Variants in LRBA observed in about 807,000 individuals in gnomAD.
LRBA encodes lipopolysaccharide-responsive and beige-like anchor protein.
In LRBA, 176 loss-of-function variants were observed where a neutral mutation model predicts 330.0. The ratio of observed to expected loss-of-function variants is 0.53; its 90% CI spans 0.47 to 0.60. LRBA has a LOEUF of 0.60. Among genes scored for constraint, LRBA ranks in the 20% least tolerant of loss-of-function variants. LRBA has a pLI of 0.00. For synonymous variants in LRBA, 1,230 were observed against 1,193.0 expected, an observed-to-expected ratio of 1.03 and a Z score of -0.64; for missense variants, 3,259 against 3,444.8, an observed-to-expected ratio of 0.95 and a Z score of 1.35.
chr4:150,671,793 G>C (rs1412797238), intron 37 of LRBA, among the ~76,000 whole-genome samples: 2 of 152,158 alleles, frequency 1.3e-5, no homozygotes, highest in Non-Finnish European at 2.9e-5. Context: ...GAGAGACAGA[G>C]ACAAGGGCAG....
At chr4:150,552,487 T>C (rs1766731693) in intron 40 of LRBA, among the ~76,000 whole-genome samples, 1 of 151,980 alleles carries the variant, frequency 6.6e-6, no homozygotes, top group Non-Finnish European at 1.5e-5. Context: ...CATTAAAAAG[T>C]CAGGAAACAA....
chr4:150,666,131 T>C (rs1781534653), intron 37 of LRBA, among the ~76,000 whole-genome samples: 1 of 152,144 alleles, frequency 6.6e-6, no homozygotes, highest in Admixed American at 6.5e-5. Context: ...GTTTCATGGA[T>C]AGACATAAGC....
chr4:150,904,958 G>A (rs1731164917), intron 13 of LRBA, among the ~76,000 whole-genome samples: 1 of 152,076 alleles, frequency 6.6e-6, no homozygotes, highest in Non-Finnish European at 1.5e-5. Flanking sequence ...AAGGCAGAAG[G>A]GGAGAGAGGA....
At chr4:150,374,019 C>A (rs1165786048) in intron 47 of LRBA, among the ~76,000 whole-genome samples, 1 of 152,168 alleles carries the variant, frequency 6.6e-6, no homozygotes, top group Non-Finnish European at 1.5e-5. Context: ...CCCAGAATCA[C>A]CTCTTCTTTC....
intron 35 of LRBA, among the ~76,000 whole-genome samples, chr4:150,742,985 GGAGATA>G (rs1382350873): frequency 6.6e-6 from 1 of 151,970 alleles, no homozygotes; most frequent in Non-Finnish European, 1.5e-5. Context: ...TTATTTTTTT[GGAGATA>G]GAGTCTCACT....
chr4:150,685,311 A>T (rs183227924), intron 36 of LRBA, among the ~76,000 whole-genome samples: 2,050 of 139,822 alleles, frequency 0.015, 54 homozygotes, highest in African/African-American at 0.051. Context: ...CATCCAAAAA[A>T]ATTGGTTTTT....
At chr4:150,634,633 T>C (rs558240131) in intron 37 of LRBA, among the ~76,000 whole-genome samples, 1 of 152,306 alleles carries the variant, frequency 6.6e-6, no homozygotes, top group South Asian at 2.1e-4. Flanking sequence ...TACCTGTTCA[T>C]ATATTTCTTC....
chr4:150,711,493 C>T (rs1382326630), intron 36 of LRBA, among the ~76,000 whole-genome samples: 1 of 151,918 alleles, frequency 6.6e-6, no homozygotes, highest in African/African-American at 2.4e-5. Context: ...CCACCTCAGC[C>T]TCCCAAAATG....
At chr4:150,807,202 T>A (rs983392902) in intron 32 of LRBA, among the ~76,000 whole-genome samples, 8 of 152,038 alleles carry the variant, frequency 5.3e-5, no homozygotes, top group Non-Finnish European at 1.2e-4. Context: ...GAGCCACTAG[T>A]TATCTACTAT....
chr4:150,616,884 C>G (rs546580712), intron 37 of LRBA, among the ~76,000 whole-genome samples: 5 of 151,890 alleles, frequency 3.3e-5, no homozygotes, highest in Non-Finnish European at 7.4e-5. Flanking sequence ...TCTAGTAGAC[C>G]CTGACACATC....
At chr4:150,431,926 A>G (rs1332850454) in intron 46 of LRBA, among the ~76,000 whole-genome samples, 1 of 152,044 alleles carries the variant, frequency 6.6e-6, no homozygotes. Flanking sequence ...GCTTTAGTGT[A>G]AAAAAAGGTC....
chr4:150,416,741 A>G (rs964710598), intron 46 of LRBA, among the ~76,000 whole-genome samples: 3 of 152,156 alleles, frequency 2.0e-5, no homozygotes, highest in African/African-American at 7.2e-5. Context: ...ATATAATTCT[A>G]ATTGACAAAA....
chr4:150,439,278 T>C (rs941661614), intron 44 of LRBA, among the ~76,000 whole-genome samples: 1 of 152,134 alleles, frequency 6.6e-6, no homozygotes, highest in Admixed American at 6.6e-5. Flanking sequence ...TCAATAGTTA[T>C]AGAATCACGT....
intron 2 of LRBA, among the ~76,000 whole-genome samples, chr4:150,965,618 T>C (rs1192678466): frequency 3.3e-5 from 5 of 152,092 alleles, no homozygotes; most frequent in Admixed American, 3.3e-4. Flanking sequence ...CAGCTCACTG[T>C]AGCCACAACC....
At chr4:150,438,799 T>G (rs1751463299) in intron 44 of LRBA, among the ~76,000 whole-genome samples, 1 of 152,212 alleles carries the variant, frequency 6.6e-6, no homozygotes, top group South Asian at 2.1e-4. Flanking sequence ...TTGTTAATTA[T>G]TTTTTCAAAA....
Position 150,963,102 on chromosome 4 carries a change from A to G in LRBA, c.217-34037T>C, listed in dbSNP as rs182751522. On this transcript the variant is annotated intron_variant, in intron 2 of 56. Coordinates refer to ENST00000651943, the MANE Select transcript of LRBA (RefSeq NM_001364905.1). ...AGAAAATAACAAAAACATCAACTCA[A>G]TATAAAAAGGGGCAAAGTAACATGT... Among the ~76,000 whole-genome samples the G allele has an allele frequency of 8.6e-4, 127 of 148,532 alleles. 15 individuals carry two copies. The highest frequency in any genetic ancestry group is 3.1e-3 in the African/African-American group (119 of 38,212).
intron 34 of LRBA, among the ~76,000 whole-genome samples, chr4:150,762,414 T>A (rs985565781): frequency 2.0e-5 from 3 of 151,808 alleles, no homozygotes; most frequent in African/African-American, 7.2e-5. Context: ...ATATTCTTGA[T>A]CCATTTGAAA....
chr4:150,486,167 T>A (rs1266685100), intron 42 of LRBA, among the ~76,000 whole-genome samples: 1 of 151,888 alleles, frequency 6.6e-6, no homozygotes. Context: ...TAACAATGTA[T>A]ATATGTATCA....
chr4:150,854,708 G>C (rs888206073), intron 22 of LRBA, among the ~76,000 whole-genome samples: 1 of 152,110 alleles, frequency 6.6e-6, no homozygotes, highest in Non-Finnish European at 1.5e-5. Context: ...AAAAGAGAGA[G>C]CAAGCCATGT....
Sources: gnomAD v4.1 joint callset for allele counts (sites outside exome capture counted in the v4.1 genomes callset) on GRCh38, gnomAD v4.1.1 for gene constraint, MANE v1.5 for transcripts, NCBI Gene and HGNC (gene_info 2026-07-23, HGNC 2026-07-21) for gene names.